GBA1: variants seen among roughly 807,000 people sequenced by gnomAD.
GBA1 encodes lysosomal acid glucosylceramidase.
the GBA1 span, among the ~76,000 whole-genome samples, chr1:155,241,745 C>A: frequency 1.3e-5 from 2 of 152,078 alleles, no homozygotes; most frequent in South Asian, 4.1e-4. Flanking sequence ...TCCAGGATGG[C>A]TTCACAGAGG....
chr1:155,240,994 C>T, the GBA1 span: 3 of 1,253,856 alleles, frequency 2.4e-6, no homozygotes, highest in African/African-American at 1.5e-5. Flanking sequence ...CATGATGGCC[C>T]TGGATTCAAA....
the GBA1 span, chr1:155,239,625 AG>A: frequency 6.2e-7 from 1 of 1,614,216 alleles, no homozygotes; most frequent in South Asian, 1.1e-5. Flanking sequence ...CCTTCTTCAG[AG>A]AAGTACGATT....
the GBA1 span, chr1:155,240,195 G>GGTGA: frequency 2.3e-6 from 2 of 885,320 alleles, no homozygotes; most frequent in Non-Finnish European, 3.6e-6. Flanking sequence ...CGGGCGCAGG[G>GGTGA]GCTCACACCT....
chr1:155,236,320 G>A, the GBA1 span: 20 of 1,614,076 alleles, frequency 1.2e-5, no homozygotes, highest in East Asian at 2.2e-5. Context: ...AGAACTTGGA[G>A]CCCACACAGG....
At chr1:155,237,406 G>A in the GBA1 span, 3 of 1,614,006 alleles carry the variant, frequency 1.9e-6, no homozygotes, top group Non-Finnish European at 2.5e-6. Context: ...ACATTGTGGT[G>A]AGTACTGTTG....
At chr1:155,241,258 G>C in the GBA1 span, 1 of 743,878 alleles carries the variant, frequency 1.3e-6, no homozygotes, top group Non-Finnish European at 2.4e-6. Context: ...CCGGCTTCCC[G>C]ATGTGGATGG....
chr1:155,236,141 G>A, the GBA1 span: 2 of 1,040,990 alleles, frequency 1.9e-6, no homozygotes, highest in Non-Finnish European at 2.9e-6. Flanking sequence ...AAAAGGGCAG[G>A]CTAGCTGGGG....
At chr1:155,235,808 T>G in the GBA1 span, 1 of 1,614,254 alleles carries the variant, frequency 6.2e-7, no homozygotes, top group Non-Finnish European at 8.5e-7. Context: ...AGGGCAAGGT[T>G]CCAGTCGGTC....
At chr1:155,241,272 A>C in the GBA1 span, 1 of 706,722 alleles carries the variant, frequency 1.4e-6, no homozygotes, top group Admixed American at 2.2e-5. Flanking sequence ...TGGATGGGTC[A>C]TGTGATGACT....
At chr1:155,241,200 C>T in the GBA1 span, 1 of 1,310,122 alleles carries the variant, frequency 7.6e-7, no homozygotes, top group African/African-American at 1.4e-5. Flanking sequence ...AACAAGGATG[C>T]AGGTACCTGC....
the GBA1 span, chr1:155,238,966 C>T: frequency 5.2e-6 from 2 of 383,768 alleles, no homozygotes; most frequent in Non-Finnish European, 1.0e-5. Context: ...CGCATGTAAT[C>T]CCAGCACTTT....
At chr1:155,240,011 T>A in the GBA1 span, 6 of 1,613,930 alleles carry the variant, frequency 3.7e-6, no homozygotes, top group Non-Finnish European at 5.1e-6. Flanking sequence ...GGAGTCACAG[T>A]ATGTGGCATT....
At chr1:155,237,570 T>A in the GBA1 span, 4 of 1,613,572 alleles carry the variant, frequency 2.5e-6, no homozygotes. Context: ...AGCATAGGCA[T>A]CCAGGAACCT....
chr1:155,241,177 T>C, the GBA1 span: 1 of 1,520,312 alleles, frequency 6.6e-7, no homozygotes, highest in Non-Finnish European at 9.1e-7. Context: ...GGATAGAGGA[T>C]CCACTAAACA....
At chr1:155,238,343 G>A in the GBA1 span, 2 of 1,542,454 alleles carry the variant, frequency 1.3e-6, no homozygotes, top group Non-Finnish European at 1.8e-6. Context: ...AGCACCCAGA[G>A]TTGGAACACA....
At chr1:155,242,234 G>GT in the GBA1 span, among the ~76,000 whole-genome samples, 18 of 152,076 alleles carry the variant, frequency 1.2e-4, no homozygotes, top group Admixed American at 1.2e-3. Flanking sequence ...TGTTGTTGTT[G>GT]TTTTTTGAGA....
chr1:155,237,963 C>T, the GBA1 span: 1 of 744,690 alleles, frequency 1.3e-6, no homozygotes, highest in South Asian at 1.6e-5. Flanking sequence ...GAACAGGAAG[C>T]CTGATGGAGT....
the GBA1 span, chr1:155,239,468 T>G: frequency 1.2e-6 from 1 of 847,860 alleles, no homozygotes; most frequent in Non-Finnish European, 1.9e-6. Context: ...GAGGCAGAGG[T>G]TGCTGTGAGG....
At chr1:155,236,170 C>T in the GBA1 span, 1 of 1,284,316 alleles carries the variant, frequency 7.8e-7, no homozygotes, top group Non-Finnish European at 1.1e-6. Flanking sequence ...ACAGGAAGGG[C>T]TTCTGTCAGT....
Sources: allele counts gnomAD v4.1 joint callset (sites outside exome capture counted in the v4.1 genomes callset), GRCh38; gene constraint gnomAD v4.1.1; transcripts MANE v1.5; gene names NCBI Gene and HGNC (gene_info 2026-07-23, HGNC 2026-07-21).